The following COMMD9 variants were observed in gnomAD, a reference collection of about 807,000 sequenced individuals.
COMMD9 encodes COMM domain containing 9.
COMMD9 carries 22 observed loss-of-function variants against 23.4 expected under a neutral mutation model. The ratio of observed to expected loss-of-function variants is 0.94; its 90% CI spans 0.67 to 1.34. The LOEUF (loss-of-function observed/expected upper bound fraction) is 1.34, where lower values mean the gene tolerates loss of function less well. Among genes scored for constraint, COMMD9 ranks in the 40% most tolerant of loss-of-function variants. The pLI is 0.00. For missense variants in COMMD9, 231 were observed against 240.2 expected (o/e 0.96, Z 0.25); for synonymous variants, 99 against 97.4 (o/e 1.02, Z -0.10).
At chr11:36,281,974 G>T (rs903837457) in intron 1 of COMMD9, among the ~76,000 whole-genome samples, 2 of 152,006 alleles carry the variant, frequency 1.3e-5, no homozygotes, top group African/African-American at 2.4e-5. Flanking sequence ...CAACAAAATG[G>T]AAATTTTAGA....
chr11:36,276,945 GAAAA>G, intron 4 of COMMD9, 140 bp downstream of exon 4: 9 of 511,778 alleles, frequency 1.8e-5, no homozygotes, highest in South Asian at 8.1e-5. Flanking sequence ...TAGAATTAGG[GAAAA>G]AACCCACCAT....
rs1855928584 is a variant in COMMD9, at chr11:36,274,182, G to A, written c.*450C>T. ...TCTGCCTGGCTTCCCTGACAGAGGA[G>A]CAGGAACTGCTGGCATCACCTGTCC... On this transcript the variant is annotated 3_prime_UTR_variant, in exon 6 of 6. Coordinates refer to ENST00000263401, the MANE Select transcript of COMMD9 (RefSeq NM_014186.4). The A allele has an allele frequency of 4.5e-6, 2 of 443,276 alleles. No homozygotes were observed. Among genetic ancestry groups the A allele is most frequent in the Non-Finnish European group, 9.1e-6 (2 of 218,998 alleles). 27.5% of individuals were successfully genotyped at this position (443,276 alleles called of 1,614,324 possible). A position where few individuals can be genotyped will look rare whatever the true frequency, so the allele number is the denominator to read the frequency against.
Position 36,272,702 on chromosome 11 carries a change from C to T in COMMD9, c.*1930G>A, listed in dbSNP as rs1428270562. ...TTGGAATTTTTTTTCCCTTGACCTT[C>T]CTCGTATCTCACTGGGTAGGCAGAC... On this transcript the variant is annotated 3_prime_UTR_variant, in exon 6 of 6. Coordinates refer to ENST00000263401, the MANE Select transcript of COMMD9 (RefSeq NM_014186.4). 6.6e-6 allele frequency: 1 copy of T among 152,216 alleles called. No homozygotes were observed. The highest frequency in any genetic ancestry group is 1.9e-4 in the East Asian group (1 of 5,204). 9.4% of individuals were successfully genotyped at this position (152,216 alleles called of 1,614,324 possible).
intron 1 of COMMD9, among the ~76,000 whole-genome samples, chr11:36,281,934 C>T (rs887111824): frequency 9.2e-5 from 14 of 152,040 alleles, no homozygotes; most frequent in Non-Finnish European, 1.9e-4. Flanking sequence ...AAAATCGCCT[C>T]CTCAGCCAAG....
intron 1 of COMMD9, among the ~76,000 whole-genome samples, chr11:36,287,798 C>T (rs1224222391): frequency 6.6e-6 from 1 of 151,808 alleles, no homozygotes; most frequent in African/African-American, 2.4e-5. Context: ...ATAGAGGTTA[C>T]CATTGGGGAA....
At chr11:36,285,794 G>C (rs1168172488) in intron 1 of COMMD9, among the ~76,000 whole-genome samples, 1 of 152,028 alleles carries the variant, frequency 6.6e-6, no homozygotes, top group Admixed American at 6.6e-5. Flanking sequence ...AAAATCACAT[G>C]ATATAAATCA....
Position 36,274,779 on chromosome 11 carries a change from C to T in COMMD9, c.457-7G>A, listed in dbSNP as rs373414706. The T allele has an allele frequency of 2.0e-5, 32 of 1,614,006 alleles. No homozygotes were observed. Among genetic ancestry groups the T allele is most frequent in the African/African-American group, 5.3e-5 (4 of 74,938 alleles). On this transcript the variant is annotated splice_region_variant and splice_polypyrimidine_tract_variant and intron_variant, in intron 5 of 5. Coordinates refer to ENST00000263401, the MANE Select transcript of COMMD9 (RefSeq NM_014186.4). ...GGCTGGGATCTTCTTGGATCTGAAACGAGAACACAGCCCAGAAAGTCAAAG... is the reference window on the plus strand; with the variant it reads ...GGCTGGGATCTTCTTGGATCTGAAATGAGAACACAGCCCAGAAAGTCAAAG...
chr11:36,277,598 C>T (rs1201593605), intron 3 of COMMD9, among the ~76,000 whole-genome samples: 1 of 152,170 alleles, frequency 6.6e-6, no homozygotes, highest in Non-Finnish European at 1.5e-5. Flanking sequence ...GGTAAATAGG[C>T]ATTATCAGTT....
intron 1 of COMMD9, among the ~76,000 whole-genome samples, chr11:36,282,153 G>A (rs1426329323): frequency 2.0e-5 from 3 of 152,022 alleles, no homozygotes; most frequent in South Asian, 2.1e-4. Context: ...AGGGACATGC[G>A]GGACTATAAC....
intron 3 of COMMD9, 51 bp downstream of exon 3, chr11:36,278,426 A>T (rs34980490): frequency 0.14 from 208,812 of 1,517,002 alleles, 16,113 homozygotes; most frequent in Admixed American, 0.28. Context: ...GAGAATAAAA[A>T]TAATAAGAAA....
rs1313643110 is a variant in COMMD9, at chr11:36,274,663, C to T, written c.566G>A (p.Arg189Gln). Residue 189 changes from arginine to glutamine, a missense_variant, in exon 6 of 6, where the codon CGA becomes CAA. Coordinates refer to ENST00000263401, the MANE Select transcript of COMMD9 (RefSeq NM_014186.4). ...DTMLDGLGRI[R>Q]DQLSAVASK ...ACTGGCCACGGCAGAGAGTTGGTCT[C>T]GGATGCGGCCCAGGCCATCTAACAT... 8.7e-6 allele frequency: 14 copies of T among 1,614,134 alleles called. No individual in the cohort carries two copies. The South Asian group carries it at 1.2e-4, about 14-fold the overall frequency.
chr11:36,275,512 CG>C (rs1181283313), intron 5 of COMMD9, among the ~76,000 whole-genome samples: 1 of 148,654 alleles, frequency 6.7e-6, no homozygotes, highest in East Asian at 2.0e-4. Flanking sequence ...GGTGTGATCT[CG>C]GCTCACTGCA....
chr11:36,287,136 CGCGTAGTATGT>C (rs1353459275), intron 1 of COMMD9, among the ~76,000 whole-genome samples: 6 of 57,108 alleles, frequency 1.1e-4, no homozygotes, highest in Non-Finnish European at 2.1e-4. Context: ...CTATGTATAT[CGCGTAGTATGT>C]ATACTACATA....
Position 36,274,501 on chromosome 11 carries a change from G to T in COMMD9, c.*131C>A. ...CCAATCCAACTGTAACTTCTGGATG[G>T]CAGTAGCCCCCTGCTGTCCCCACCA... On this transcript the variant is annotated 3_prime_UTR_variant, in exon 6 of 6. Transcript: ENST00000263401. 8.9e-7 allele frequency: 1 copy of T among 1,122,246 alleles called. No individual in the cohort carries two copies. The highest frequency in any genetic ancestry group is 1.3e-6 in the Non-Finnish European group (1 of 754,110). 69.5% of individuals were successfully genotyped at this position (1,122,246 alleles called of 1,614,324 possible).
chr11:36,278,370 G>T, intron 3 of COMMD9, 107 bp downstream of exon 3: 1 of 1,021,302 alleles, frequency 9.8e-7, no homozygotes, highest in Non-Finnish European at 1.5e-6. Context: ...TTGCTTATCC[G>T]GGCTTCCTAA....
At chr11:36,286,395 C>CAAAAAA (rs138463305) in intron 1 of COMMD9, among the ~76,000 whole-genome samples, 198 of 76,810 alleles carry the variant, frequency 2.6e-3, no homozygotes, top group East Asian at 5.6e-3. Context: ...ACTAAAAATA[C>CAAAAAA]AAAAAAAAAA....
chr11:36,288,685 C>CA (rs766956749), intron 1 of COMMD9, among the ~76,000 whole-genome samples: 23 of 152,092 alleles, frequency 1.5e-4, no homozygotes, highest in Non-Finnish European at 2.9e-4. Flanking sequence ...CCTGTAATCC[C>CA]AGCTACTCGG....
At chr11:36,283,135 T>C (rs544193613) in intron 1 of COMMD9, among the ~76,000 whole-genome samples, 1 of 152,308 alleles carries the variant, frequency 6.6e-6, no homozygotes. Context: ...AGGGCAGGTC[T>C]TCCTGTCTTT....
At chr11:36,279,073 T>A (rs1231166237) in intron 2 of COMMD9, among the ~76,000 whole-genome samples, 1 of 152,148 alleles carries the variant, frequency 6.6e-6, no homozygotes, top group African/African-American at 2.4e-5. Context: ...TGGACTTGCC[T>A]ATGTGTGGCT....
Sources: gnomAD v4.1 joint callset for allele counts (sites outside exome capture counted in the v4.1 genomes callset) on GRCh38, gnomAD v4.1.1 for gene constraint, MANE v1.5 for transcripts, NCBI Gene and HGNC (gene_info 2026-07-23, HGNC 2026-07-21) for gene names.